AGAP1: variants seen among roughly 807,000 people sequenced by gnomAD.
AGAP1 encodes the protein ArfGAP with GTPase domain, ankyrin repeat and PH domain 1, also known as arf-GAP with GTPase, ANK repeat and PH domain-containing protein 1.
AGAP1 carries 29 observed loss-of-function variants against 105.3 expected under a neutral mutation model. That is an observed-to-expected ratio of 0.28 (90% CI 0.21 to 0.38). The LOEUF (loss-of-function observed/expected upper bound fraction) is 0.38, where lower values mean the gene tolerates loss of function less well. Ranked by LOEUF, AGAP1 falls within the 10% of genes least tolerant of loss-of-function variation. AGAP1 has a pLI of 1.00. For missense variants in AGAP1, 998 were observed against 1,165.1 expected (o/e 0.86, Z 2.09); for synonymous variants, 509 against 485.9 (o/e 1.05, Z -0.63).
chr2:235,545,615 G>C (rs1943598649), intron 1 of AGAP1, among the ~76,000 whole-genome samples: 1 of 152,218 alleles, frequency 6.6e-6, no homozygotes, highest in South Asian at 2.1e-4. Context: ...ACTGCCCTTA[G>C]TGGAGTTCCT....
chr2:236,033,036 A>G (rs1968706), intron 13 of AGAP1, among the ~76,000 whole-genome samples: 30,795 of 152,100 alleles, frequency 0.2, 3,318 homozygotes, highest in African/African-American at 0.27. Context: ...ACCTGAGGTC[A>G]GGAGTTCAAG....
chr2:235,642,419 C>A lies in AGAP1; in HGVS notation c.164-66760C>A, dbSNP rs140965170. 1.8e-4 allele frequency among the ~76,000 whole-genome samples: 27 copies of A among 152,340 alleles called. No homozygotes were observed. The highest frequency in any genetic ancestry group is 5.5e-4 in the African/African-American group (23 of 41,592). ...TGGCTTAGGGATTTATCTGCAGGGA[C>A]TGTCCCCAGTAGGTCTATGAGAGCC... On this transcript the variant is annotated intron_variant, in intron 1 of 17. Transcript: ENST00000304032. The surrounding 1 kb of genome is among the most constrained non-coding windows in gnomAD (Gnocchi z 4.1).
At position 235,981,255 on chromosome 2, in the gene AGAP1, A is replaced by C. The variant is rs191675985; in HGVS notation, c.1645+12632A>C. Among the ~76,000 whole-genome samples, 369 of 151,964 alleles carry C rather than the reference A, an allele frequency of 2.4e-3. 4 individuals are homozygous for C. Among genetic ancestry groups the C allele is most frequent in the Non-Finnish European group, 2.4e-3 (164 of 67,964 alleles). ...GCAGGTATTTCAATAACTTGATTTG[A>C]CTCTTCTTAATTAAATAAATAGGTA... On this transcript the variant is annotated intron_variant, in intron 13 of 17. Transcript: ENST00000304032. This position sits in a 1 kb window ranked among gnomAD's most constrained non-coding sequence, Gnocchi z 5.5.
rs151088125 is a variant in AGAP1 at position 236,016,381 on chromosome 2, CT to C, written c.1646-20161del. Among the ~76,000 whole-genome samples the C allele has an allele frequency of 7.6e-3, 872 of 114,648 alleles. 2 individuals carry two copies. The highest frequency in any genetic ancestry group is 0.015 in the African/African-American group (435 of 29,982). The allele number at this position is 114,648 out of a possible 152,430, so 75.2% of individuals were successfully genotyped here. On this transcript the variant is annotated intron_variant, in intron 13 of 17. Coordinates refer to ENST00000304032, the MANE Select transcript of AGAP1 (RefSeq NM_001037131.3). ...GTCCTTATCAAATATGTTGGGTTTG[CT>C]TTTTTTTTTTTTTTTTTTGTATGCA...
intron 1 of AGAP1, among the ~76,000 whole-genome samples, chr2:235,671,775 C>T (rs1257017111): frequency 3.3e-5 from 5 of 152,244 alleles, no homozygotes; most frequent in African/African-American, 1.2e-4. Flanking sequence ...AACCTCAGGT[C>T]TGTGTTCCCT....
Position 235,855,361 on chromosome 2 carries a change from A to G in AGAP1, c.1051-27984A>G, listed in dbSNP as rs911809011. Among the ~76,000 whole-genome samples the G allele has an allele frequency of 6.6e-6, 1 of 152,262 alleles. No individual in the cohort carries two copies. The highest frequency in any genetic ancestry group is 6.5e-5 in the Admixed American group (1 of 15,288). On this transcript the variant is annotated intron_variant, in intron 9 of 17. Transcript: ENST00000304032. The surrounding 1 kb of genome is among the most constrained non-coding windows in gnomAD (Gnocchi z 5.0). ...ATCATCAGTAGATTTATTCAAAGCT[A>G]AAAGTCAACTGAAATTCTAAGCTCT...
In AGAP1 at chr2:235,531,929, T is replaced by G. The variant is rs117999808; in HGVS notation, c.163+37080T>G. Among the ~76,000 whole-genome samples, 1,372 of 152,234 alleles carry G rather than the reference T, an allele frequency of 9.0e-3. 67 individuals carry two copies. The highest frequency in any genetic ancestry group is 0.067 in the Admixed American group (1,018 of 15,290). The stretch of plus-strand genomic sequence containing the variant: ...ACCCGGCCTAGCTTTGCTTTTAAAT[T>G]GCAAGCTGGGACTCCAGCCCTGTGA... On this transcript the variant is annotated intron_variant, in intron 1 of 17. Transcript: ENST00000304032.
At chr2:236,015,707 A>G (rs2056675084) in intron 13 of AGAP1, among the ~76,000 whole-genome samples, 1 of 152,188 alleles carries the variant, frequency 6.6e-6, no homozygotes, top group Non-Finnish European at 1.5e-5. Context: ...ATCTTGGTAT[A>G]ATAGGGGGAC....
chr2:235,999,143 T>C (rs1485820347), intron 13 of AGAP1, among the ~76,000 whole-genome samples: 4 of 139,896 alleles, frequency 2.9e-5, no homozygotes, highest in South Asian at 5.0e-4. Context: ...GTGGTGACGA[T>C]GGTGAGAGGT....
Position 235,569,328 on chromosome 2 carries a change from T to C in AGAP1, c.163+74479T>C, listed in dbSNP as rs1265899133. Among the ~76,000 whole-genome samples, 1 of 152,006 alleles carries C rather than the reference T, an allele frequency of 6.6e-6. No individual in the cohort carries two copies. The highest frequency in any genetic ancestry group is 2.1e-4 in the South Asian group (1 of 4,800). On this transcript the variant is annotated intron_variant, in intron 1 of 17. Transcript: ENST00000304032. The surrounding 1 kb of genome is among the most constrained non-coding windows in gnomAD (Gnocchi z 5.9). ...AGACACCATCTCAAAAAAAAGGATC[T>C]TGGAGGAAGTACATGACCCCGAGTG...
rs528696283 is a variant in AGAP1 at position 235,621,051 on chromosome 2, C to T, written c.164-88128C>T. Among the ~76,000 whole-genome samples the T allele has an allele frequency of 3.3e-5, 5 of 152,186 alleles. No homozygotes were observed. Among genetic ancestry groups the T allele is most frequent in the Admixed American group, 2.0e-4 (3 of 15,288 alleles). The stretch of plus-strand genomic sequence containing the variant: ...TTTCCTTTTTTTGGAGACCCAGTCT[C>T]GCTCTTGTCTCCCAGGCTGGAGTAC... On this transcript the variant is annotated intron_variant, in intron 1 of 17. Transcript: ENST00000304032. This position sits in a 1 kb window ranked among gnomAD's most constrained non-coding sequence, Gnocchi z 4.1.
chr2:235,739,732 CAG>C lies in AGAP1; in HGVS notation c.311-1228_311-1227del, dbSNP rs1219542739. ...TGCCCCAGTCAGCCCTCTGTGGCCTCAGAGGGTAGCTGCCCGTCTGGAGGGCC... is the reference window on the plus strand; with the variant it reads ...TGCCCCAGTCAGCCCTCTGTGGCCTCAGGGTAGCTGCCCGTCTGGAGGGCC... On this transcript the variant is annotated intron_variant, in intron 3 of 17. Transcript: ENST00000304032. The surrounding 1 kb of genome is among the most constrained non-coding windows in gnomAD (Gnocchi z 5.3). Among the ~76,000 whole-genome samples, 2 of 152,238 alleles carry C rather than the reference CAG, an allele frequency of 1.3e-5. No individual in the cohort carries two copies. Among genetic ancestry groups the C allele is most frequent in the African/African-American group, 2.4e-5 (1 of 41,474 alleles).
Position 235,582,122 on chromosome 2 carries a change from T to C in AGAP1, c.163+87273T>C, listed in dbSNP as rs1409324513. 1.3e-5 allele frequency among the ~76,000 whole-genome samples: 2 copies of C among 152,176 alleles called. No homozygotes were observed. The highest frequency in any genetic ancestry group is 4.8e-5 in the African/African-American group (2 of 41,440). ...TTGATAGTGATGCTATGGGGCTGTC[T>C]GCTCTATACGAGGAGCAGAGACCCC... On this transcript the variant is annotated intron_variant, in intron 1 of 17. Coordinates refer to ENST00000304032, the MANE Select transcript of AGAP1 (RefSeq NM_001037131.3). This position sits in a 1 kb window ranked among gnomAD's most constrained non-coding sequence, Gnocchi z 4.7.
chr2:235,513,477 C>T lies in AGAP1; in HGVS notation c.163+18628C>T, dbSNP rs113606027. 3.4e-5 allele frequency among the ~76,000 whole-genome samples: 5 copies of T among 146,492 alleles called. No individual in the cohort carries two copies. In the South Asian group the frequency reaches 8.7e-4, roughly 26 times the overall value. On this transcript the variant is annotated intron_variant, in intron 1 of 17. Coordinates refer to ENST00000304032, the MANE Select transcript of AGAP1 (RefSeq NM_001037131.3). ...CAGAGGTCGCAGCGAACTGAGATCG[C>T]GCCACTGTACTCCAGCCTGGGCGGC... is the stretch of plus-strand genomic sequence containing the variant.
At position 235,746,377 on chromosome 2, in the gene AGAP1, C is replaced by CTTTTTTTTTTTTTTTTTTTTTTTT. The variant is rs1172393048; in HGVS notation, c.538+1549_538+1572dup. ...GCTTCCTGGAGAGCACCTCCCCCAA[C>CTTTTTTTTTTTTTTTTTTTTTTTT]TTTTTTTTTTTTTTTTTTTTTTTTT... On this transcript the variant is annotated intron_variant, in intron 5 of 17. Transcript: ENST00000304032. 1.6e-4 allele frequency among the ~76,000 whole-genome samples: 9 copies of CTTTTTTTTTTTTTTTTTTTTTTTT among 55,562 alleles called. 3 individuals carry two copies. The highest frequency in any genetic ancestry group is 2.6e-4 in the Admixed American group (1 of 3,844). The allele number at this position is 55,562 out of a possible 152,430, so 36.5% of individuals were successfully genotyped here.
At position 235,535,638 on chromosome 2, in the gene AGAP1, C is replaced by T. The variant is rs746868880; in HGVS notation, c.163+40789C>T. Among the ~76,000 whole-genome samples, 45 of 151,792 alleles carry T rather than the reference C, an allele frequency of 3.0e-4. No homozygotes were observed. The highest frequency in any genetic ancestry group is 4.3e-4 in the Non-Finnish European group (29 of 68,020). On this transcript the variant is annotated intron_variant, in intron 1 of 17. Transcript: ENST00000304032. The surrounding 1 kb of genome is among the most constrained non-coding windows in gnomAD (Gnocchi z 5.1). ...GCCGGGCGGGGCTGTGCCAGGCACCCGCGTCGCGCTCCAGCTCCAGCCCTT... is the reference window on the plus strand; with the variant it reads ...GCCGGGCGGGGCTGTGCCAGGCACCTGCGTCGCGCTCCAGCTCCAGCCCTT...
In AGAP1 at chr2:235,889,060, C is replaced by T. The variant is rs552183113; in HGVS notation, c.1155+5611C>T. Among the ~76,000 whole-genome samples, 30 of 152,316 alleles carry T rather than the reference C, an allele frequency of 2.0e-4. No homozygotes were observed. Among genetic ancestry groups the T allele is most frequent in the African/African-American group, 6.7e-4 (28 of 41,568 alleles). On this transcript the variant is annotated intron_variant, in intron 10 of 17. Transcript: ENST00000304032. The surrounding 1 kb of genome is among the most constrained non-coding windows in gnomAD (Gnocchi z 4.6). ...AGTTTGCTTATTGCACAAGTGTCCA[C>T]GGAAGTGTTTGTGTGAAAGATCGAT... is the stretch of plus-strand genomic sequence containing the variant.
intron 16 of AGAP1, among the ~76,000 whole-genome samples, chr2:236,067,457 A>G (rs2058376468): frequency 6.6e-6 from 1 of 152,190 alleles, no homozygotes; most frequent in Non-Finnish European, 1.5e-5. Flanking sequence ...ATAATGAAAA[A>G]TACTATGTCT....
At chr2:236,029,456 T>C (rs953442258) in intron 13 of AGAP1, among the ~76,000 whole-genome samples, 21 of 136,514 alleles carry the variant, frequency 1.5e-4, no homozygotes, top group African/African-American at 5.7e-4. Flanking sequence ...TTTTTTTTTT[T>C]CGGTATTTTA....
Sources: allele counts gnomAD v4.1 joint callset (sites outside exome capture counted in the v4.1 genomes callset), GRCh38; gene constraint gnomAD v4.1.1; non-coding constraint Gnocchi (gnomAD v3.1); transcripts MANE v1.5; gene names NCBI Gene and HGNC (gene_info 2026-07-23, HGNC 2026-07-21).